Variants in CELF5 observed in about 807,000 individuals in gnomAD.
The protein encoded by CELF5 is CUGBP Elav-like family member 5.
CELF5 carries 6 observed loss-of-function variants against 54.9 expected under a neutral mutation model. The observed-to-expected ratio is 0.11, with a 90% CI of 0.06 to 0.22. CELF5 has a LOEUF of 0.22. Among genes scored for constraint, CELF5 ranks in the 10% least tolerant of loss-of-function variants. The pLI is 1.00. For synonymous variants in CELF5, 271 were observed against 290.9 expected (o/e 0.93, Z 0.70); for missense variants, 401 against 678.6 (o/e 0.59, Z 4.54).
intron 2 of CELF5, among the ~76,000 whole-genome samples, chr19:3,251,883 C>G (rs2079655823): frequency 6.6e-6 from 1 of 151,898 alleles, no homozygotes; most frequent in South Asian, 2.1e-4. Context: ...CCATATTGGC[C>G]AGGCTGGTCT....
At chr19:3,294,612 C>A (rs1368386207) in intron 12 of CELF5, 1 of 152,118 alleles carries the variant, frequency 6.6e-6, no homozygotes, top group Non-Finnish European at 1.5e-5. Flanking sequence ...TCTCTGCGAT[C>A]CCTTCACTTT....
intron 1 of CELF5, among the ~76,000 whole-genome samples, chr19:3,237,743 T>C (rs1422429227): frequency 2.0e-5 from 3 of 152,200 alleles, no homozygotes; most frequent in African/African-American, 7.2e-5. Context: ...CTATCTCATC[T>C]CGTGATTAAG....
intron 2 of CELF5, among the ~76,000 whole-genome samples, chr19:3,255,745 C>T (rs1460983895): frequency 6.6e-6 from 1 of 152,126 alleles, no homozygotes; most frequent in African/African-American, 2.4e-5. Context: ...CTTTCTCCAC[C>T]TAACAGGCTG....
At chr19:3,253,917 T>C (rs975215502) in intron 2 of CELF5, among the ~76,000 whole-genome samples, 3 of 152,188 alleles carry the variant, frequency 2.0e-5, no homozygotes, top group African/African-American at 4.8e-5. Context: ...CCCCCATTCC[T>C]TTGTCCTCAT....
At chr19:3,225,480 C>CCCCAAAAAA in intron 1 of CELF5, 1 of 670,804 alleles carries the variant, frequency 1.5e-6, no homozygotes, top group Non-Finnish European at 1.8e-6. Flanking sequence ...CCCCCACCCC[C>CCCCAAAAAA]ATTCATTCAG....
intron 5 of CELF5, among the ~76,000 whole-genome samples, chr19:3,280,794 C>G (rs1344787714): frequency 6.6e-6 from 1 of 152,090 alleles, no homozygotes; most frequent in African/African-American, 2.4e-5. Flanking sequence ...ATGGCAGGTT[C>G]GTCCACCTGA....
intron 5 of CELF5, among the ~76,000 whole-genome samples, chr19:3,279,013 G>A (rs754495400): frequency 2.4e-4 from 36 of 152,192 alleles, no homozygotes; most frequent in Non-Finnish European, 5.3e-4. Context: ...TAGAGCAAGG[G>A]AGGAGACAGG....
Position 3,250,581 on chromosome 19 carries a change from C to T in CELF5, c.260-404C>T, listed in dbSNP as rs1346006329. ...ACCATCACCACCATCATCTCCAGAA[C>T]TTTCTCATCTTCCCAAACTGAAACT... is the stretch of plus-strand genomic sequence containing the variant. On this transcript the variant is annotated intron_variant, in intron 1 of 12. Transcript: ENST00000292672. 2.0e-5 allele frequency among the ~76,000 whole-genome samples: 3 copies of T among 152,164 alleles called. No homozygotes were observed. The East Asian group carries it at 5.8e-4, about 29-fold the overall frequency.
chr19:3,252,148 T>TA (rs1331929665), intron 2 of CELF5, among the ~76,000 whole-genome samples: 4 of 152,044 alleles, frequency 2.6e-5, no homozygotes, highest in Non-Finnish European at 5.9e-5. Flanking sequence ...GTGATCCTCC[T>TA]ACCTCGGCCT....
At chr19:3,274,261 G>T (rs1180542042) in intron 3 of CELF5, among the ~76,000 whole-genome samples, 1 of 152,172 alleles carries the variant, frequency 6.6e-6, no homozygotes, top group Non-Finnish European at 1.5e-5. Context: ...GACAATGGGG[G>T]CCTGAAGGGC....
At chr19:3,227,685 A>T (rs1490929092) in intron 1 of CELF5, among the ~76,000 whole-genome samples, 2 of 151,990 alleles carry the variant, frequency 1.3e-5, no homozygotes, top group East Asian at 3.9e-4. Flanking sequence ...TTCCCCATGG[A>T]ACCCATCGCC....
intron 8 of CELF5, among the ~76,000 whole-genome samples, chr19:3,283,667 T>C (rs999741019): frequency 6.6e-6 from 1 of 152,010 alleles, no homozygotes; most frequent in African/African-American, 2.4e-5. Flanking sequence ...GATTGGAGGT[T>C]CACAGGGAGT....
chr19:3,236,664 C>T (rs1917615183), intron 1 of CELF5, among the ~76,000 whole-genome samples: 1 of 152,036 alleles, frequency 6.6e-6, no homozygotes. Flanking sequence ...TGACTCTGAG[C>T]TAGGCATGGC....
intron 1 of CELF5, among the ~76,000 whole-genome samples, chr19:3,245,015 GTA>G (rs2079545480): frequency 6.7e-6 from 1 of 149,732 alleles, no homozygotes; most frequent in South Asian, 2.1e-4. Context: ...GCGTGTGTGT[GTA>G]GTGTGTGGTG....
intron 2 of CELF5, among the ~76,000 whole-genome samples, chr19:3,256,028 G>A (rs1172154766): frequency 7.0e-6 from 1 of 142,112 alleles, no homozygotes; most frequent in Non-Finnish European, 1.5e-5. Flanking sequence ...TCACGCCTCT[G>A]TACTGCAGCC....
chr19:3,286,034 G>T lies in CELF5; in HGVS notation c.1186+9G>T, dbSNP rs371173986. ...GCAGCAGCAGCGAGAAGGTGAGGCG[G>T]CCGCAACCTCCCCTGGGCGCCAGCC... On this transcript the variant is annotated intron_variant, in intron 10 of 12. Coordinates refer to ENST00000292672, the MANE Select transcript of CELF5 (RefSeq NM_021938.4). The T allele has an allele frequency of 3.5e-4, 542 of 1,560,744 alleles. No homozygotes were observed. Among genetic ancestry groups the T allele is most frequent in the Non-Finnish European group, 4.5e-4 (525 of 1,163,508 alleles).
intron 2 of CELF5, among the ~76,000 whole-genome samples, chr19:3,253,057 C>T (rs1465749440): frequency 6.6e-6 from 1 of 151,632 alleles, no homozygotes; most frequent in Non-Finnish European, 1.5e-5. Context: ...CTTGGACCTT[C>T]TGCTGGTGCC....
At chr19:3,257,195 C>T (rs1386593913) in intron 2 of CELF5, among the ~76,000 whole-genome samples, 1 of 152,186 alleles carries the variant, frequency 6.6e-6, no homozygotes, top group Non-Finnish European at 1.5e-5. Flanking sequence ...GCACTCTCTG[C>T]AGGAAGGGCG....
chr19:3,237,775 C>T (rs1313273959), intron 1 of CELF5, among the ~76,000 whole-genome samples: 2 of 152,144 alleles, frequency 1.3e-5, no homozygotes, highest in Non-Finnish European at 1.5e-5. Context: ...TGAGGCCGGA[C>T]GCGGTGGCTC....
Sources: allele counts gnomAD v4.1 joint callset (sites outside exome capture counted in the v4.1 genomes callset), GRCh38; gene constraint gnomAD v4.1.1; transcripts MANE v1.5; gene names NCBI Gene and HGNC (gene_info 2026-07-23, HGNC 2026-07-21).